Variants in MCC observed in about 807,000 individuals in gnomAD.
MCC encodes the protein MCC regulator of Wnt signaling pathway.
MCC carries 90 observed loss-of-function variants against 116.2 expected under a neutral mutation model. That is an observed-to-expected ratio of 0.77 (90% CI 0.65 to 0.92). MCC has a LOEUF of 0.92. Ranked by LOEUF, MCC falls within the 40% of genes least tolerant of loss-of-function variation. The probability of loss-of-function intolerance (pLI) is 0.00; values close to 1 mark genes in which losing one functional copy is unlikely to be tolerated. For synonymous variants in MCC, 578 were observed against 510.5 expected (o/e 1.13, Z -1.78); for missense variants, 1,516 against 1,312.2 (o/e 1.16, Z -2.40).
intron 3 of MCC, among the ~76,000 whole-genome samples, chr5:113,173,928 A>C (rs1247744526): frequency 1.3e-5 from 2 of 152,200 alleles, no homozygotes; most frequent in Non-Finnish European, 2.9e-5. Context: ...CTAACAGCAT[A>C]ACCAATTCCA....
chr5:113,147,064 A>C (rs1759569067), intron 4 of MCC, among the ~76,000 whole-genome samples: 1 of 152,204 alleles, frequency 6.6e-6, no homozygotes, highest in Non-Finnish European at 1.5e-5. Flanking sequence ...GTTTTTCCCA[A>C]ATTTCATCTG....
rs1284815507 is a variant in MCC, at chr5:113,419,883, A to T, written c.171-34671T>A. Among the ~76,000 whole-genome samples, 14 of 53,396 alleles carry T rather than the reference A, an allele frequency of 2.6e-4. No individual in the cohort carries two copies. In the South Asian group the frequency reaches 0.01, roughly 39 times the overall value. The allele number at this position is 53,396 out of a possible 152,430, so 35.0% of individuals were successfully genotyped here. ...CCGGGGACTGTTGTGGGGTGGGGGG[A>T]GGGGGGAGGGATAGCATTAGGAGAT... On this transcript the variant is annotated intron_variant, in intron 1 of 18. Transcript: ENST00000408903.
chr5:113,462,800 T>A (rs1771780639), intron 1 of MCC, among the ~76,000 whole-genome samples: 1 of 152,214 alleles, frequency 6.6e-6, no homozygotes, highest in African/African-American at 2.4e-5. Context: ...ATTTACTGAA[T>A]AGTAACAATG....
intron 3 of MCC, among the ~76,000 whole-genome samples, chr5:113,338,127 A>T (rs1767914982): frequency 6.6e-6 from 1 of 152,248 alleles, no homozygotes; most frequent in Non-Finnish European, 1.5e-5. Context: ...TGGTATTTTT[A>T]AAGTTTTACT....
At chr5:113,167,265 T>C (rs989848306) in intron 3 of MCC, among the ~76,000 whole-genome samples, 5 of 152,182 alleles carry the variant, frequency 3.3e-5, no homozygotes, top group African/African-American at 7.2e-5. Context: ...AGCTAGCTTT[T>C]TGTTTTATTT....
chr5:113,102,287 C>T (rs963718208), intron 7 of MCC, among the ~76,000 whole-genome samples: 1 of 152,214 alleles, frequency 6.6e-6, no homozygotes, highest in African/African-American at 2.4e-5. Context: ...GGTGGATACA[C>T]ACAACCAGGC....
chr5:113,126,281 C>T (rs1758047151), intron 5 of MCC, among the ~76,000 whole-genome samples: 1 of 152,194 alleles, frequency 6.6e-6, no homozygotes, highest in Admixed American at 6.5e-5. Flanking sequence ...AGAAAAATCA[C>T]AGGCTGGCAG....
intron 3 of MCC, among the ~76,000 whole-genome samples, chr5:113,171,434 G>A (rs1343526052): frequency 6.6e-6 from 1 of 151,750 alleles, no homozygotes; most frequent in Admixed American, 6.6e-5. Context: ...GGCTAACTGC[G>A]AACTCTGTCT....
chr5:113,478,832 T>C (rs1772299960), intron 1 of MCC, among the ~76,000 whole-genome samples: 1 of 152,210 alleles, frequency 6.6e-6, no homozygotes, highest in Non-Finnish European at 1.5e-5. Context: ...CTTATCATTA[T>C]GGCTTCTCAC....
intron 3 of MCC, among the ~76,000 whole-genome samples, chr5:113,332,939 CTCT>C (rs1398281960): frequency 6.6e-6 from 1 of 151,608 alleles, no homozygotes; most frequent in Non-Finnish European, 1.5e-5. Context: ...TTTCTGAAAA[CTCT>C]TCTTAAGAAT....
chr5:113,256,766 C>T (rs1581326681), intron 3 of MCC, among the ~76,000 whole-genome samples: 2 of 152,316 alleles, frequency 1.3e-5, no homozygotes, highest in South Asian at 2.1e-4. Context: ...GATACAGATA[C>T]TTGGCATAGC....
intron 14 of MCC, among the ~76,000 whole-genome samples, chr5:113,061,704 T>G (rs1370968423): frequency 6.6e-6 from 1 of 152,212 alleles, no homozygotes; most frequent in Non-Finnish European, 1.5e-5. Context: ...GAAATGCCGC[T>G]GGAGGCACAA....
In MCC at chr5:113,434,245, T is replaced by C. The variant is rs1770772259; in HGVS notation, c.171-49033A>G. On this transcript the variant is annotated intron_variant, in intron 1 of 18. Transcript: ENST00000408903. The surrounding 1 kb of genome is among the most constrained non-coding windows in gnomAD (Gnocchi z 4.2). ...TAGAGGATCACGCCTAGGCTCCAGA[T>C]GTCGTACACCTTGGGCTGGTAGGGA... The C allele has an allele frequency of 1.2e-6, 2 of 1,614,150 alleles. No homozygotes were observed. Among genetic ancestry groups the C allele is most frequent in the East Asian group, 2.2e-5 (1 of 44,872 alleles).
chr5:113,115,167 C>T (rs147977952), intron 6 of MCC, among the ~76,000 whole-genome samples: 12 of 152,262 alleles, frequency 7.9e-5, no homozygotes, highest in African/African-American at 2.2e-4. Context: ...GCACTTGTTC[C>T]GGCCCCTGCA....
chr5:113,242,819 G>C (rs1317492354), intron 3 of MCC, among the ~76,000 whole-genome samples: 5 of 152,086 alleles, frequency 3.3e-5, no homozygotes, highest in African/African-American at 1.2e-4. Context: ...AAAAAACTGT[G>C]TACTGTGGAA....
intron 3 of MCC, among the ~76,000 whole-genome samples, chr5:113,171,796 A>G (rs753202786): frequency 6.6e-6 from 1 of 152,130 alleles, no homozygotes; most frequent in Non-Finnish European, 1.5e-5. Context: ...TGAGGTTTCT[A>G]GCTACGAAGA....
intron 3 of MCC, among the ~76,000 whole-genome samples, chr5:113,312,105 C>G (rs912508534): frequency 3.2e-4 from 49 of 151,462 alleles, no homozygotes; most frequent in African/African-American, 1.1e-3. Flanking sequence ...GACTCCATCT[C>G]AAAAAAACAA....
intron 1 of MCC, among the ~76,000 whole-genome samples, chr5:113,447,336 A>G (rs975880310): frequency 3.9e-5 from 6 of 152,194 alleles, no homozygotes; most frequent in Admixed American, 6.5e-5. Flanking sequence ...TGGAGTATAA[A>G]TTTTTTCAAT....
At chr5:113,433,421 T>C in intron 1 of MCC, 1 of 585,676 alleles carries the variant, frequency 1.7e-6, no homozygotes, top group East Asian at 3.7e-5. Flanking sequence ...CTTCCTGCTC[T>C]TGCTGTCACT....
Sources: gnomAD v4.1 joint callset for allele counts (sites outside exome capture counted in the v4.1 genomes callset) on GRCh38, gnomAD v4.1.1 for gene constraint, Gnocchi (gnomAD v3.1) non-coding constraint, MANE v1.5 for transcripts, NCBI Gene and HGNC (gene_info 2026-07-23, HGNC 2026-07-21) for gene names.